The following PPM1L variants were observed in gnomAD, a reference collection of about 807,000 sequenced individuals.
PPM1L encodes protein phosphatase 1L.
Under a neutral mutation model 31.4 loss-of-function variants are expected in PPM1L, and 13 were observed. The ratio of observed to expected loss-of-function variants is 0.41; its 90% CI spans 0.27 to 0.66. PPM1L has a LOEUF of 0.66. Among genes scored for constraint, PPM1L ranks in the 30% least tolerant of loss-of-function variants. The pLI is 0.29. For missense variants in PPM1L, 326 were observed against 453.7 expected, an observed-to-expected ratio of 0.72 and a Z score of 2.56; for synonymous variants, 184 against 175.4, an observed-to-expected ratio of 1.05 and a Z score of -0.39.
chr3:160,961,806 A>G lies in PPM1L; in HGVS notation c.470A>G (p.Asp157Gly). ...CAGCATCTTCAGGACTACGAGAAAG[A>G]CAAAGAAAATAGTGTATTATCTTAC... Reference protein sequence around the residue: ...LKQHLQDYEKDKENSVLSYQT... With the variant: ...LKQHLQDYEKGKENSVLSYQT... The change falls in exon 2 of 4, where the codon GAC becomes GGC. Residue 157 changes from aspartate (D) to glycine (G), a missense_variant. Asp to Gly is a moderately conservative substitution (Grantham distance 94, BLOSUM62 -1). This residue lies in a region of PPM1L where 201 missense variants were observed against 298.2 expected (regional missense o/e 0.67). Transcript: ENST00000498165. 6.2e-7 allele frequency: 1 copy of G among 1,603,370 alleles called. No individual in the cohort carries two copies. Among genetic ancestry groups the G allele is most frequent in the Non-Finnish European group, 8.5e-7 (1 of 1,175,546 alleles).
intron 2 of PPM1L, among the ~76,000 whole-genome samples, chr3:160,993,303 A>G (rs10513561): frequency 0.073 from 11,042 of 152,230 alleles, 598 homozygotes; most frequent in African/African-American, 0.13. Context: ...GTCAACAACT[A>G]TATGAATTAG....
At chr3:161,049,655 T>C (rs557581870) in intron 2 of PPM1L, among the ~76,000 whole-genome samples, 1 of 152,354 alleles carries the variant, frequency 6.6e-6, no homozygotes, top group Admixed American at 6.5e-5. Context: ...TAATCCCATG[T>C]ACCTTGCAGG....
intron 1 of PPM1L, among the ~76,000 whole-genome samples, chr3:160,861,106 A>G (rs1711869878): frequency 6.6e-6 from 1 of 152,192 alleles, no homozygotes; most frequent in South Asian, 2.1e-4. Flanking sequence ...GTGGAAGGTC[A>G]CGTAGTGTAT....
chr3:160,986,496 AAATT>A (rs1435639181), intron 2 of PPM1L, among the ~76,000 whole-genome samples: 1 of 152,240 alleles, frequency 6.6e-6, no homozygotes, highest in South Asian at 2.1e-4. Flanking sequence ...AAATCACAAT[AAATT>A]ACAAATTGTA....
intron 1 of PPM1L, among the ~76,000 whole-genome samples, chr3:160,867,869 T>C (rs1712151325): frequency 6.6e-6 from 1 of 152,196 alleles, no homozygotes; most frequent in Admixed American, 6.5e-5. Context: ...AGACTGTCTA[T>C]GACACTTTAA....
At chr3:160,880,826 AC>A (rs1712687540) in intron 1 of PPM1L, among the ~76,000 whole-genome samples, 1 of 151,902 alleles carries the variant, frequency 6.6e-6, no homozygotes, top group East Asian at 1.9e-4. Context: ...TCCTATTTCC[AC>A]CCCTCTCCAC....
Position 161,078,532 on chromosome 3 carries a change from T to C in PPM1L, c.*9375T>C, listed in dbSNP as rs1720180787. ...ATCAATCAGGCTTTCTCGTAAGTTA[T>C]TTCCTGAAAACCATCCATGATAAAT... On this transcript the variant is annotated 3_prime_UTR_variant, in exon 4 of 4. Transcript: ENST00000498165. 1 of 152,250 alleles carries C rather than the reference T, an allele frequency of 6.6e-6. No homozygotes were observed. Among genetic ancestry groups the C allele is most frequent in the Non-Finnish European group, 1.5e-5 (1 of 68,048 alleles). 9.4% of individuals were successfully genotyped at this position (152,250 alleles called of 1,614,324 possible). A position where few individuals can be genotyped will look rare whatever the true frequency, so the allele number is the denominator to read the frequency against.
chr3:161,050,054 A>G (rs1041047980), intron 2 of PPM1L, among the ~76,000 whole-genome samples: 13 of 152,296 alleles, frequency 8.5e-5, no homozygotes, highest in Middle Eastern at 3.4e-3. Context: ...TGGTGGTGTC[A>G]CCTGAGTGTG....
chr3:160,863,901 A>G (rs1295580286), intron 1 of PPM1L, among the ~76,000 whole-genome samples: 1 of 152,126 alleles, frequency 6.6e-6, no homozygotes, highest in African/African-American at 2.4e-5. Flanking sequence ...TTCTGAGAGT[A>G]AGTTAGCTAG....
intron 2 of PPM1L, among the ~76,000 whole-genome samples, chr3:160,976,211 C>G (rs548003624): frequency 1.5e-5 from 2 of 137,592 alleles, no homozygotes; most frequent in Admixed American, 7.6e-5. Context: ...GCCTTGCATC[C>G]CAGGGATGAA....
intron 2 of PPM1L, among the ~76,000 whole-genome samples, chr3:160,993,418 A>G (rs1717199574): frequency 6.6e-6 from 1 of 152,178 alleles, no homozygotes; most frequent in Non-Finnish European, 1.5e-5. Context: ...GTAAGAAAAC[A>G]TGGGAGCTGA....
At chr3:161,054,980 G>A (rs961192868) in intron 2 of PPM1L, among the ~76,000 whole-genome samples, 8 of 152,060 alleles carry the variant, frequency 5.3e-5, no homozygotes, top group Admixed American at 2.6e-4. Flanking sequence ...GATTTGAATC[G>A]TAATTAGTAT....
intron 1 of PPM1L, among the ~76,000 whole-genome samples, chr3:160,905,350 C>A (rs1230041177): frequency 6.6e-6 from 1 of 152,092 alleles, no homozygotes; most frequent in Admixed American, 6.6e-5. Flanking sequence ...TGAATTTGTT[C>A]ATCTTGGAAC....
chr3:160,840,875 G>C (rs1427083310), intron 1 of PPM1L, among the ~76,000 whole-genome samples: 12 of 152,156 alleles, frequency 7.9e-5, no homozygotes, highest in Admixed American at 7.9e-4. Context: ...GCTGTCAGCT[G>C]ATTGGATGGT....
intron 1 of PPM1L, among the ~76,000 whole-genome samples, chr3:160,932,783 C>T (rs78992127): frequency 0.014 from 2,133 of 152,192 alleles, 27 homozygotes; most frequent in Middle Eastern, 0.031. Flanking sequence ...ATTAGAAAAA[C>T]GTGTCTTTTG....
intron 1 of PPM1L, among the ~76,000 whole-genome samples, chr3:160,928,041 G>A (rs1211848681): frequency 6.6e-6 from 1 of 152,192 alleles, no homozygotes; most frequent in Non-Finnish European, 1.5e-5. Context: ...CTACTTTCCT[G>A]TTGGGAGATA....
At chr3:160,945,120 T>TAA (rs1559897807) in intron 1 of PPM1L, among the ~76,000 whole-genome samples, 339 of 15,982 alleles carry the variant, frequency 0.021, 23 homozygotes, top group African/African-American at 0.042. Context: ...ATGTTATCTA[T>TAA]CTATCTATCT....
chr3:161,041,271 T>C (rs746871532), intron 2 of PPM1L, among the ~76,000 whole-genome samples: 1 of 152,202 alleles, frequency 6.6e-6, no homozygotes, highest in African/African-American at 2.4e-5. Context: ...CTTTGAGTTG[T>C]CCTGCCTTTC....
rs781568428 is a variant in PPM1L at position 160,957,871 on chromosome 3, C to T, written c.400-3865C>T. 7.8e-4 allele frequency among the ~76,000 whole-genome samples: 118 copies of T among 152,090 alleles called. 2 individuals are homozygous for T. The highest frequency in any genetic ancestry group is 7.2e-4 in the Admixed American group (11 of 15,272). Reference sequence around the variant, plus strand: ...GATTACAGGCGTGAGCCACTGCGGCCGGCCTCTCGTTGTGTTTTAATTTGC... The same window carrying T: ...GATTACAGGCGTGAGCCACTGCGGCTGGCCTCTCGTTGTGTTTTAATTTGC... On this transcript the variant is annotated intron_variant, in intron 1 of 3. Transcript: ENST00000498165.
Sources: gnomAD v4.1 joint callset for allele counts (sites outside exome capture counted in the v4.1 genomes callset) on GRCh38, gnomAD v4.1.1 for gene constraint, gnomAD v4.1.1 regional missense constraint, MANE v1.5 for transcripts, NCBI Gene and HGNC (gene_info 2026-07-23, HGNC 2026-07-21) for gene names.